The following MED12L variants were observed in gnomAD, a reference collection of about 807,000 sequenced individuals.
MED12L encodes the protein mediator of RNA polymerase II transcription subunit 12-like protein.
In MED12L, 60 loss-of-function variants were observed where a neutral mutation model predicts 281.3. That is an observed-to-expected ratio of 0.21 (90% CI 0.17 to 0.26). The LOEUF (loss-of-function observed/expected upper bound fraction) is 0.26, where lower values mean the gene tolerates loss of function less well. Among genes scored for constraint, MED12L ranks in the 10% least tolerant of loss-of-function variants. The probability of loss-of-function intolerance (pLI) is 1.00; values close to 1 mark genes in which losing one functional copy is unlikely to be tolerated. For missense variants in MED12L, 2,146 were observed against 2,680.9 expected (o/e 0.80, Z 4.41); for synonymous variants, 974 against 987.2 (o/e 0.99, Z 0.25).
intron 16 of MED12L, chr3:151,213,336 T>A: frequency 6.2e-7 from 1 of 1,612,438 alleles, no homozygotes; most frequent in Non-Finnish European, 8.5e-7. Context: ...TTGTATTTCC[T>A]CTTTTGATTC....
intron 16 of MED12L, among the ~76,000 whole-genome samples, chr3:151,279,317 T>C (rs1384748673): frequency 6.6e-6 from 1 of 152,252 alleles, no homozygotes; most frequent in East Asian, 1.9e-4. Context: ...ATAATAATTA[T>C]AACTGGCTTA....
At chr3:151,294,957 G>A (rs1244447711) in intron 16 of MED12L, 4 of 1,613,862 alleles carry the variant, frequency 2.5e-6, no homozygotes, top group Admixed American at 1.7e-5. Context: ...TGGACTATTC[G>A]AAATGGAAAT....
chr3:151,142,495 A>G (rs564875266), intron 5 of MED12L, among the ~76,000 whole-genome samples: 1 of 152,350 alleles, frequency 6.6e-6, no homozygotes, highest in East Asian at 1.9e-4. Flanking sequence ...ATGTTCAGAA[A>G]GGGATAGTGA....
chr3:151,137,233 T>C (rs1716287068), intron 5 of MED12L, among the ~76,000 whole-genome samples: 1 of 150,482 alleles, frequency 6.6e-6, no homozygotes, highest in Admixed American at 6.6e-5. Context: ...GCTCATGAAG[T>C]TTTATTTATT....
rs918153637 is a variant in MED12L, at chr3:151,413,368, G to A, written c.6297+73G>A. The A allele has an allele frequency of 3.3e-6, 5 of 1,505,568 alleles. No homozygotes were observed. In the African/African-American group the frequency reaches 5.6e-5, roughly 17 times the overall value. The allele number at this position is 1,505,568 out of a possible 1,614,324, so 93.3% of individuals were successfully genotyped here. A position where few individuals can be genotyped will look rare whatever the true frequency, so the allele number is the denominator to read the frequency against. The stretch of plus-strand genomic sequence containing the variant: ...CAAATATGCAACAGTCATAAAAAAT[G>A]AAAAACACTATAGTTGTCAATTGCC... On this transcript the variant is annotated intron_variant, in intron 42 of 44. Coordinates refer to ENST00000687756, the MANE Select transcript of MED12L (RefSeq NM_001393769.1).
intron 4 of MED12L, among the ~76,000 whole-genome samples, chr3:151,123,388 T>C (rs940674817): frequency 1.3e-5 from 2 of 152,244 alleles, no homozygotes; most frequent in African/African-American, 4.8e-5. Flanking sequence ...GTCTCCTTCC[T>C]ACCAAGCAAG....
At chr3:151,398,471 T>C (rs1715262549) in intron 39 of MED12L, among the ~76,000 whole-genome samples, 1 of 152,218 alleles carries the variant, frequency 6.6e-6, no homozygotes, top group Admixed American at 6.5e-5. Flanking sequence ...AGTCATGGAA[T>C]ATTCTGTCAT....
chr3:151,286,901 A>G (rs1168472955), intron 16 of MED12L, among the ~76,000 whole-genome samples: 1 of 152,184 alleles, frequency 6.6e-6, no homozygotes, highest in Non-Finnish European at 1.5e-5. Flanking sequence ...TAATGTTCTC[A>G]TAGTTAGATA....
intron 7 of MED12L, among the ~76,000 whole-genome samples, chr3:151,159,161 A>G (rs546884081): frequency 6.6e-6 from 1 of 152,326 alleles, no homozygotes; most frequent in Non-Finnish European, 1.5e-5. Context: ...GATCTTCTAC[A>G]TTCTTTTGAC....
Position 151,338,140 on chromosome 3 carries a change from C to T in MED12L, c.2251-11919C>T, listed in dbSNP as rs1416405115. On this transcript the variant is annotated intron_variant, in intron 16 of 44. Coordinates refer to ENST00000687756, the MANE Select transcript of MED12L (RefSeq NM_001393769.1). Reference sequence around the variant, plus strand: ...ACAGCAATGATAATGAAAACTTTGACGTTCACCTTTTTCCTGGGGACTTTA... The same window carrying T: ...ACAGCAATGATAATGAAAACTTTGATGTTCACCTTTTTCCTGGGGACTTTA... The T allele has an allele frequency of 8.7e-6, 14 of 1,613,896 alleles. No homozygotes were observed. Among genetic ancestry groups the T allele is most frequent in the African/African-American group, 2.7e-5 (2 of 74,908 alleles).
chr3:151,143,641 T>G (rs1011071388), intron 5 of MED12L, among the ~76,000 whole-genome samples: 2 of 152,162 alleles, frequency 1.3e-5, no homozygotes, highest in Admixed American at 1.3e-4. Context: ...GGAGGGTGGG[T>G]GCCTTCCCTT....
At chr3:151,093,218 C>A (rs902586695) in intron 2 of MED12L, among the ~76,000 whole-genome samples, 4 of 152,128 alleles carry the variant, frequency 2.6e-5, no homozygotes, top group Admixed American at 6.5e-5. Flanking sequence ...GTAGGAGGAT[C>A]ACTTGAGCCC....
At chr3:151,387,573 C>T (rs574622674) in intron 36 of MED12L, among the ~76,000 whole-genome samples, 1 of 152,228 alleles carries the variant, frequency 6.6e-6, no homozygotes, top group African/African-American at 2.4e-5. Flanking sequence ...TAGACTGCCT[C>T]TGTTGCCTAA....
At chr3:151,382,837 C>T in intron 33 of MED12L, 92 bp downstream of exon 33, 4 of 973,930 alleles carry the variant, frequency 4.1e-6, no homozygotes, top group Admixed American at 2.4e-5. Context: ...GCAAAGTCTG[C>T]ATTACAAGGT....
At position 151,156,142 on chromosome 3, in the gene MED12L, T is replaced by C. The variant is rs1171939687; in HGVS notation, c.557-19T>C. 14 of 1,574,586 alleles carry C rather than the reference T, an allele frequency of 8.9e-6. No individual in the cohort carries two copies. Among genetic ancestry groups the C allele is most frequent in the Non-Finnish European group, 1.1e-5 (13 of 1,161,696 alleles). On this transcript the variant is annotated intron_variant, in intron 5 of 44. Coordinates refer to ENST00000687756, the MANE Select transcript of MED12L (RefSeq NM_001393769.1). ...CCATTGTGTCTAGAAACTCATATTT[T>C]TCTTTTTTTAAAATGCAGAGTGGAC... is the stretch of plus-strand genomic sequence containing the variant.
intron 16 of MED12L, among the ~76,000 whole-genome samples, chr3:151,311,630 A>G (rs978556453): frequency 6.6e-6 from 1 of 152,220 alleles, no homozygotes; most frequent in Admixed American, 6.5e-5. Flanking sequence ...CAACTAGAAT[A>G]CAATTGTAGC....
At chr3:151,365,821 A>T (rs753507891) in intron 22 of MED12L, 29 bp from the exon 23 acceptor site, 71 of 1,575,210 alleles carry the variant, frequency 4.5e-5, no homozygotes, top group Middle Eastern at 3.4e-4. Flanking sequence ...GTACAAGGTT[A>T]CTTTCTGTGT....
rs10935841 is a variant in MED12L at position 151,383,903 on chromosome 3, C to T, written c.4790+15C>T. Reference sequence around the variant, plus strand: ...CACACTAACAAGTATGTTTTTATCACTTCACATTGATTTTGCTACATGTAT... The same window carrying T: ...CACACTAACAAGTATGTTTTTATCATTTCACATTGATTTTGCTACATGTAT... On this transcript the variant is annotated intron_variant, in intron 34 of 44. Transcript: ENST00000687756. The T allele has an allele frequency of 0.35, 563,498 of 1,597,770 alleles. 101,845 individuals carry two copies. Among genetic ancestry groups the T allele is most frequent in the Non-Finnish European group, 0.37 (432,157 of 1,166,700 alleles).
At chr3:151,213,313 G>A in intron 16 of MED12L, 1 of 1,607,470 alleles carries the variant, frequency 6.2e-7, no homozygotes, top group Non-Finnish European at 8.5e-7. Context: ...CAAAGTATCT[G>A]TGCTTTCAAG....
Sources: gnomAD v4.1 joint callset for allele counts (sites outside exome capture counted in the v4.1 genomes callset) on GRCh38, gnomAD v4.1.1 for gene constraint, MANE v1.5 for transcripts, NCBI Gene and HGNC (gene_info 2026-07-23, HGNC 2026-07-21) for gene names.